Variants in BRAF observed in about 807,000 individuals in gnomAD.
BRAF encodes the protein serine/threonine-protein kinase B-raf.
A neutral mutation model predicts 104.6 loss-of-function variants in BRAF; 16 were observed. That is an observed-to-expected ratio of 0.15 (90% CI 0.10 to 0.23). BRAF has a LOEUF of 0.23. Among genes scored for constraint, BRAF ranks in the 10% least tolerant of loss-of-function variants. The probability of loss-of-function intolerance (pLI) is 1.00; values close to 1 mark genes in which losing one functional copy is unlikely to be tolerated. For missense variants in BRAF, 541 were observed against 937.3 expected, an observed-to-expected ratio of 0.58 and a Z score of 5.52; for synonymous variants, 310 against 341.6, an observed-to-expected ratio of 0.91 and a Z score of 1.02.
chr7:140,722,439 G>C lies in BRAF; in HGVS notation c.*4055C>G. On this transcript the variant is annotated 3_prime_UTR_variant, in exon 20 of 20. Transcript: ENST00000644969. ...TTATTGCATCATGAAGGCACAGTAAGATCATTTGGCAAATTGTCAAGGTAT... is the reference window on the plus strand; with the variant it reads ...TTATTGCATCATGAAGGCACAGTAACATCATTTGGCAAATTGTCAAGGTAT... 1.9e-6 allele frequency: 2 copies of C among 1,055,178 alleles called. No homozygotes were observed. The highest frequency in any genetic ancestry group is 2.3e-6 in the Non-Finnish European group (2 of 872,986). 65.4% of individuals were successfully genotyped at this position (1,055,178 alleles called of 1,614,324 possible). A position where few individuals can be genotyped will look rare whatever the true frequency, so the allele number is the denominator to read the frequency against.
intron 2 of BRAF, chr7:140,835,305 T>C (rs988718545): frequency 8.4e-5 from 15 of 177,578 alleles, no homozygotes; most frequent in Non-Finnish European, 2.4e-5. Context: ...TCTCTCTCTC[T>C]CAACAGAAAA....
At position 140,724,333 on chromosome 7, in the gene BRAF, T is replaced by C; in HGVS notation, c.*2161A>G. 1 of 1,054,898 alleles carries C rather than the reference T, an allele frequency of 9.5e-7. No homozygotes were observed. The highest frequency in any genetic ancestry group is 1.1e-6 in the Non-Finnish European group (1 of 872,772). 65.3% of individuals were successfully genotyped at this position (1,054,898 alleles called of 1,614,324 possible). On this transcript the variant is annotated 3_prime_UTR_variant, in exon 20 of 20. Coordinates refer to ENST00000644969, the MANE Select transcript of BRAF (RefSeq NM_001374258.1). The stretch of plus-strand genomic sequence containing the variant: ...TGCGGAAACTTGAAGCCAATCTTGG[T>C]AAAGGGAACACAGCCACATTTAAAA...
At chr7:140,837,868 T>G (rs1807510495) in intron 2 of BRAF, among the ~76,000 whole-genome samples, 1 of 152,220 alleles carries the variant, frequency 6.6e-6, no homozygotes, top group Non-Finnish European at 1.5e-5. Context: ...ACTCTACTTC[T>G]TTATCTACAA....
rs1818583198 is a variant in BRAF at position 140,924,186 on chromosome 7, C to T, written c.138+380G>A. On this transcript the variant is annotated intron_variant, in intron 1 of 19. Transcript: ENST00000644969. The surrounding 1 kb of genome is among the most constrained non-coding windows in gnomAD (Gnocchi z 4.2). ...TGTTGTCTCAGCCCCAGCAACTAAC[C>T]TATATCCTCCACGTCGAGGCCGCCG... is the stretch of plus-strand genomic sequence containing the variant. Among the ~76,000 whole-genome samples, 1 of 152,156 alleles carries T rather than the reference C, an allele frequency of 6.6e-6. No individual in the cohort carries two copies. The highest frequency in any genetic ancestry group is 1.5e-5 in the Non-Finnish European group (1 of 68,024).
At chr7:140,887,901 C>T (rs1333365674) in intron 1 of BRAF, among the ~76,000 whole-genome samples, 6 of 147,666 alleles carry the variant, frequency 4.1e-5, no homozygotes, top group Non-Finnish European at 8.9e-5. Flanking sequence ...TTTTTTGAGA[C>T]AGAGTCTCGC....
intron 1 of BRAF, among the ~76,000 whole-genome samples, chr7:140,869,865 T>C (rs966185693): frequency 1.3e-5 from 2 of 152,130 alleles, no homozygotes; most frequent in African/African-American, 4.8e-5. Context: ...GTATATATAA[T>C]CAAGTTATTA....
rs1795357018 is a variant in BRAF, at chr7:140,722,239, C to T, written c.*4255G>A. The stretch of plus-strand genomic sequence containing the variant: ...TGCTTTAAAAAAATAATTTTGTTCA[C>T]TGAAAATTTACCTGTGTGTTTTCTC... On this transcript the variant is annotated 3_prime_UTR_variant, in exon 20 of 20. Coordinates refer to ENST00000644969, the MANE Select transcript of BRAF (RefSeq NM_001374258.1). 2.8e-6 allele frequency: 3 copies of T among 1,055,988 alleles called. No individual in the cohort carries two copies. Among genetic ancestry groups the T allele is most frequent in the Non-Finnish European group, 3.4e-6 (3 of 873,532 alleles). The allele number at this position is 1,055,988 out of a possible 1,614,324, so 65.4% of individuals were successfully genotyped here. A position where few individuals can be genotyped will look rare whatever the true frequency, so the allele number is the denominator to read the frequency against.
intron 1 of BRAF, among the ~76,000 whole-genome samples, chr7:140,852,390 CAAAA>C (rs58493064): frequency 1.1e-5 from 1 of 89,532 alleles, no homozygotes; most frequent in Non-Finnish European, 2.5e-5. Flanking sequence ...CACAACCTGC[CAAAA>C]AAAAAAAAAA....
chr7:140,880,480 C>T (rs568466791), intron 1 of BRAF, among the ~76,000 whole-genome samples: 85 of 152,316 alleles, frequency 5.6e-4, no homozygotes, highest in African/African-American at 2.0e-3. Context: ...GAATGAACTT[C>T]TTCCAAACTC....
chr7:140,820,433 C>T (rs1006957919), intron 3 of BRAF, among the ~76,000 whole-genome samples: 1 of 152,078 alleles, frequency 6.6e-6, no homozygotes, highest in African/African-American at 2.4e-5. Flanking sequence ...AATTATCCAT[C>T]AAGAAAGAAA....
At chr7:140,847,946 T>C (rs1306996374) in intron 2 of BRAF, among the ~76,000 whole-genome samples, 1 of 152,172 alleles carries the variant, frequency 6.6e-6, no homozygotes, top group Non-Finnish European at 1.5e-5. Context: ...TACACACACA[T>C]TGTATACCAC....
chr7:140,892,024 G>A lies in BRAF; in HGVS notation c.138+32542C>T, dbSNP rs1814282555. On this transcript the variant is annotated intron_variant, in intron 1 of 19. Coordinates refer to ENST00000644969, the MANE Select transcript of BRAF (RefSeq NM_001374258.1). Reference sequence around the variant, plus strand: ...TAATCCCAGCACTTTCGGAGGCCGAGGCAGGTGGATCATTTGAGGTCAGGA... The same window carrying A: ...TAATCCCAGCACTTTCGGAGGCCGAAGCAGGTGGATCATTTGAGGTCAGGA... 2.0e-5 allele frequency among the ~76,000 whole-genome samples: 3 copies of A among 152,294 alleles called. No individual in the cohort carries two copies. In the South Asian group the frequency reaches 6.2e-4, roughly 32 times the overall value.
chr7:140,884,524 C>T (rs943851527), intron 1 of BRAF, among the ~76,000 whole-genome samples: 1 of 150,524 alleles, frequency 6.6e-6, no homozygotes, highest in Non-Finnish European at 1.5e-5. Flanking sequence ...CTCTGTAGCC[C>T]AGGCAGGAAT....
chr7:140,905,653 T>C (rs937554458), intron 1 of BRAF, among the ~76,000 whole-genome samples: 11 of 152,218 alleles, frequency 7.2e-5, no homozygotes, highest in African/African-American at 2.7e-4. Context: ...TAGATTTAAA[T>C]CTACCCATCT....
At chr7:140,903,788 T>G (rs1414572360) in intron 1 of BRAF, among the ~76,000 whole-genome samples, 1 of 152,222 alleles carries the variant, frequency 6.6e-6, no homozygotes, top group Non-Finnish European at 1.5e-5. Flanking sequence ...TGGAAGAAGT[T>G]GATTCTAACC....
chr7:140,865,125 G>A (rs776891911), intron 1 of BRAF, among the ~76,000 whole-genome samples: 10 of 151,644 alleles, frequency 6.6e-5, no homozygotes, highest in Non-Finnish European at 1.3e-4. Context: ...TGTTGCCCAG[G>A]CCAGAGAGCA....
Position 140,772,427 on chromosome 7 carries a change from G to C in BRAF, c.1814+4485C>G, listed in dbSNP as rs1001736742. The stretch of plus-strand genomic sequence containing the variant: ...GCTTGAGCCCAGGAGTTTGAGACCA[G>C]CCTGGGTGACATGGCGAAACTCTGT... On this transcript the variant is annotated intron_variant, in intron 14 of 19. Transcript: ENST00000644969. Among the ~76,000 whole-genome samples the C allele has an allele frequency of 2.0e-5, 3 of 152,120 alleles. 1 individual carries two copies. The highest frequency in any genetic ancestry group is 4.4e-5 in the Non-Finnish European group (3 of 68,014).
At chr7:140,743,545 G>A (rs1188024245) in intron 17 of BRAF, among the ~76,000 whole-genome samples, 2 of 152,140 alleles carry the variant, frequency 1.3e-5, no homozygotes, top group East Asian at 3.9e-4. Flanking sequence ...GACACAGGAA[G>A]GGGAACATCA....
Position 140,720,885 on chromosome 7 carries a change from C to G in BRAF, c.*5609G>C. On this transcript the variant is annotated 3_prime_UTR_variant, in exon 20 of 20. Transcript: ENST00000644969. ...CACCCGTCAACAGACCCTTCCTTTGCGGCATCTCTTCACAAATTTTCTGCC... is the reference window on the plus strand; with the variant it reads ...CACCCGTCAACAGACCCTTCCTTTGGGGCATCTCTTCACAAATTTTCTGCC... 1 of 1,065,972 alleles carries G rather than the reference C, an allele frequency of 9.4e-7. No individual in the cohort carries two copies. Among genetic ancestry groups the G allele is most frequent in the Non-Finnish European group, 1.1e-6 (1 of 879,692 alleles). 66.0% of individuals were successfully genotyped at this position (1,065,972 alleles called of 1,614,324 possible). A position where few individuals can be genotyped will look rare whatever the true frequency, so the allele number is the denominator to read the frequency against.
Sources: gnomAD v4.1 joint callset for allele counts (sites outside exome capture counted in the v4.1 genomes callset) on GRCh38, gnomAD v4.1.1 for gene constraint, Gnocchi (gnomAD v3.1) non-coding constraint, MANE v1.5 for transcripts, NCBI Gene and HGNC (gene_info 2026-07-23, HGNC 2026-07-21) for gene names.